Variants in RAB4B observed in about 807,000 individuals in gnomAD.
The protein encoded by RAB4B is RAB4B, member RAS oncogene family, also known as ras-related protein Rab-4B.
In RAB4B, 15 loss-of-function variants were observed where a neutral mutation model predicts 28.3. The ratio of observed to expected loss-of-function variants is 0.53; its 90% confidence interval spans 0.35 to 0.82. The LOEUF is 0.82. RAB4B is among the 40% of genes least tolerant of loss of function. RAB4B has a pLI of 0.01. For synonymous variants in RAB4B, 108 were observed against 116.3 expected (o/e 0.93, Z 0.46); for missense variants, 244 against 288.5 (o/e 0.85, Z 1.12).
intron 7 of RAB4B, chr19:40,792,634 G>C (rs1419329208): frequency 6.6e-6 from 1 of 152,138 alleles, no homozygotes; most frequent in Non-Finnish European, 1.5e-5. Context: ...CCTACCACCA[G>C]TATTCTTTCG....
At position 40,778,250 on chromosome 19, in the gene RAB4B, A is replaced by G; in HGVS notation, c.-126A>G. ...CGCGCCGGAGGGGGGCGGAGGCGGAAGTGGCGGTGCCGGGCCCGGGGAGTA... is the reference window on the plus strand; with the variant it reads ...CGCGCCGGAGGGGGGCGGAGGCGGAGGTGGCGGTGCCGGGCCCGGGGAGTA... On this transcript the variant is annotated 5_prime_UTR_variant, in exon 1 of 8. Transcript: ENST00000357052. The G allele has an allele frequency of 1.2e-6, 1 of 817,030 alleles. No homozygotes were observed. The allele number at this position is 817,030 out of a possible 1,614,324, so 50.6% of individuals were successfully genotyped here.
chr19:40,781,550 G>A (rs1017346785), intron 3 of RAB4B, among the ~76,000 whole-genome samples: 10 of 152,120 alleles, frequency 6.6e-5, no homozygotes, highest in South Asian at 6.2e-4. Flanking sequence ...CAGGAGAACC[G>A]CTTGAGTCCA....
chr19:40,785,661 T>C (rs2083091950), intron 5 of RAB4B: 1 of 152,224 alleles, frequency 6.6e-6, no homozygotes, highest in Non-Finnish European at 1.5e-5. Context: ...CAGAGAGGTG[T>C]GGGTGTGAAT....
At chr19:40,791,835 A>G (rs752622773) in intron 7 of RAB4B, among the ~76,000 whole-genome samples, 2 of 152,076 alleles carry the variant, frequency 1.3e-5, no homozygotes, top group Non-Finnish European at 2.9e-5. Context: ...GGGTTTCACC[A>G]CGTTGGCCAG....
intron 7 of RAB4B, among the ~76,000 whole-genome samples, chr19:40,795,455 A>C (rs2145070020): frequency 6.6e-6 from 1 of 151,692 alleles, no homozygotes; most frequent in African/African-American, 2.4e-5. Flanking sequence ...GCTGGAGTGC[A>C]GTGGTGTGAT....
chr19:40,781,344 A>G (rs2083046170), intron 3 of RAB4B, among the ~76,000 whole-genome samples: 1 of 151,134 alleles, frequency 6.6e-6, no homozygotes, highest in Non-Finnish European at 1.5e-5. Context: ...ATAAATAAAT[A>G]AGGGAGGTGA....
intron 3 of RAB4B, 152 bp downstream of exon 3, chr19:40,780,651 G>T: frequency 1.5e-6 from 1 of 654,854 alleles, no homozygotes. Context: ...ATATATCCAA[G>T]GAGAGAGGGA....
Position 40,780,594 on chromosome 19 carries a change from C to T in RAB4B, c.212+95C>T. On this transcript the variant is annotated intron_variant, in intron 3 of 7. Transcript: ENST00000357052. ...GAGTCACTTGGAGACACTGAGAGGG[C>T]AGACAAGGCAGACAGAGAGAGATGA... 3.2e-6 allele frequency: 3 copies of T among 950,204 alleles called. No individual in the cohort carries two copies. The East Asian group carries it at 7.9e-5, about 25-fold the overall frequency. 58.9% of individuals were successfully genotyped at this position (950,204 alleles called of 1,614,324 possible). A position where few individuals can be genotyped will look rare whatever the true frequency, so the allele number is the denominator to read the frequency against.
At chr19:40,791,053 C>T (rs912298056) in intron 7 of RAB4B, among the ~76,000 whole-genome samples, 10 of 152,000 alleles carry the variant, frequency 6.6e-5, no homozygotes, top group African/African-American at 2.4e-4. Flanking sequence ...GATGGGGTTT[C>T]ACCATGTTAG....
chr19:40,783,981 C>T lies in RAB4B; in HGVS notation c.336C>T (p.Pro112=), dbSNP rs2083075296. The T allele has an allele frequency of 1.9e-6, 3 of 1,614,090 alleles. No individual in the cohort carries two copies. Among genetic ancestry groups the T allele is most frequent in the Non-Finnish European group, 2.5e-6 (3 of 1,179,946 alleles). ...WLTDARTLAS[P]NIVVILCGNK... ...CGGATGCCCGCACCCTGGCCAGCCC[C>T]AACATCGTGGTCATCCTCTGTGGCA... Residue 112 remains proline (P), a synonymous_variant, in exon 5 of 8, where the codon CCC becomes CCT. Transcript: ENST00000357052.
chr19:40,794,059 A>G (rs2083185673), intron 7 of RAB4B, among the ~76,000 whole-genome samples: 1 of 151,592 alleles, frequency 6.6e-6, no homozygotes, highest in African/African-American at 2.4e-5. Flanking sequence ...AACCAATATA[A>G]TATATCTTTT....
chr19:40,778,282 A>T lies in RAB4B; in HGVS notation c.-94A>T. 7.8e-7 allele frequency: 1 copy of T among 1,283,568 alleles called. No homozygotes were observed. The highest frequency in any genetic ancestry group is 1.1e-6 in the Non-Finnish European group (1 of 950,830). The allele number at this position is 1,283,568 out of a possible 1,614,324, so 79.5% of individuals were successfully genotyped here. A position where few individuals can be genotyped will look rare whatever the true frequency, so the allele number is the denominator to read the frequency against. ...GTGCCGGGCCCGGGGAGTAGGAAGG[A>T]GCCGGGGCTGTAGCCGGAGTGGAGC... is the stretch of plus-strand genomic sequence containing the variant. On this transcript the variant is annotated 5_prime_UTR_variant, in exon 1 of 8. Transcript: ENST00000357052.
intron 7 of RAB4B, among the ~76,000 whole-genome samples, chr19:40,788,481 T>TAAAAAA (rs751428239): frequency 1.5e-3 from 104 of 67,098 alleles, no homozygotes; most frequent in African/African-American, 5.7e-3. Context: ...GCGAGACTCT[T>TAAAAAA]AAAAAAAAAA....
chr19:40,778,650 T>C (rs2083018156), intron 1 of RAB4B, among the ~76,000 whole-genome samples: 1 of 151,818 alleles, frequency 6.6e-6, no homozygotes. Context: ...AGGGAGGCCC[T>C]GAGGGAAGAG....
chr19:40,780,430 G>C lies in RAB4B; in HGVS notation c.143G>C (p.Arg48Pro). The change falls in exon 3 of 8, where the codon CGG becomes CCG. Residue 48 changes from arginine to proline, a missense_variant. Arg to Pro is a moderately radical substitution (Grantham distance 103). Coordinates refer to ENST00000357052, the MANE Select transcript of RAB4B (RefSeq NM_016154.5). The part of the protein sequence containing the change: ...NHTIGVEFGS[R>P]VVNVGGKTVK... ...ACAATCGGCGTGGAGTTTGGATCCC[G>C]GGTGGTCAACGTGGGTGGGAAGACT... The C allele has an allele frequency of 1.9e-6, 3 of 1,613,504 alleles. No homozygotes were observed. The highest frequency in any genetic ancestry group is 2.5e-6 in the Non-Finnish European group (3 of 1,179,784).
chr19:40,789,613 C>G (rs1021348460), intron 7 of RAB4B, among the ~76,000 whole-genome samples: 2 of 151,140 alleles, frequency 1.3e-5, no homozygotes, highest in African/African-American at 4.9e-5. Context: ...AAGCAATTCT[C>G]CTGCCTCAGT....
At chr19:40,785,372 G>A (rs767828356) in intron 5 of RAB4B, among the ~76,000 whole-genome samples, 1 of 150,042 alleles carries the variant, frequency 6.7e-6, no homozygotes, top group African/African-American at 2.5e-5. Flanking sequence ...AAGCCTGGGT[G>A]TGGTGGTATG....
chr19:40,778,379 G>A lies in RAB4B; in HGVS notation c.4G>A (p.Ala2Thr). 1 of 1,478,206 alleles carries A rather than the reference G, an allele frequency of 6.8e-7. No individual in the cohort carries two copies. The highest frequency in any genetic ancestry group is 8.9e-7 in the Non-Finnish European group (1 of 1,120,564). 91.6% of individuals were successfully genotyped at this position (1,478,206 alleles called of 1,614,324 possible). ...CCTCAGCGGCCGCGACCGAGTCATG[G>A]CTGAGACCTACGGTGAGGGTGGTGG... M[A>T]ETYDFLFKFL... The change falls in exon 1 of 8, where the codon GCT becomes ACT. Residue 2 changes from alanine to threonine, a missense_variant. By Grantham distance (58) the Ala-to-Thr change is moderately conservative. Coordinates refer to ENST00000357052, the MANE Select transcript of RAB4B (RefSeq NM_016154.5).
chr19:40,783,557 C>G (rs1165852308), intron 3 of RAB4B, among the ~76,000 whole-genome samples: 1 of 151,586 alleles, frequency 6.6e-6, no homozygotes, highest in Non-Finnish European at 1.5e-5. Context: ...AGACAGCTGG[C>G]CAGCTAAGTG....
Sources: allele counts gnomAD v4.1 joint callset (sites outside exome capture counted in the v4.1 genomes callset), GRCh38; gene constraint gnomAD v4.1.1; transcripts MANE v1.5; gene names NCBI Gene and HGNC (gene_info 2026-07-23, HGNC 2026-07-21).